MDGA2: variants seen among roughly 807,000 people sequenced by gnomAD.
MDGA2 encodes the protein MAM domain-containing glycosylphosphatidylinositol anchor protein 2.
MDGA2 carries 40 observed loss-of-function variants against 117.8 expected under a neutral mutation model. The observed-to-expected ratio is 0.34, with a 90% CI of 0.26 to 0.44. The LOEUF (loss-of-function observed/expected upper bound fraction) is 0.44. MDGA2 is among the 20% of genes least tolerant of loss of function. The pLI, the probability that MDGA2 is intolerant of heterozygous loss-of-function variation, is 1.00. For synonymous variants in MDGA2, 452 were observed against 439.0 expected (o/e 1.03, Z -0.37); for missense variants, 1,123 against 1,250.6 (o/e 0.90, Z 1.54).
In MDGA2 at chr14:47,595,173, G is replaced by T. The variant is rs570443606; in HGVS notation, c.280+79344C>A. On this transcript the variant is annotated intron_variant, in intron 1 of 16. Coordinates refer to ENST00000399232, the MANE Select transcript of MDGA2 (RefSeq NM_001113498.3). ...GGCCTGTTGTATTTGGACATGGCAA[G>T]TGACTAATGTAATAATTGGGGAGAG... Among the ~76,000 whole-genome samples the T allele has an allele frequency of 1.4e-3, 217 of 151,918 alleles. 1 individual carries two copies. The highest frequency in any genetic ancestry group is 2.2e-3 in the Non-Finnish European group (149 of 67,980).
At chr14:47,200,534 C>CTTTTTTTTTTTTTTTTTTT (rs10639284) in intron 3 of MDGA2, 4 of 421,910 alleles carry the variant, frequency 9.5e-6, no homozygotes, top group East Asian at 4.2e-5. Flanking sequence ...TTTTTCTTTT[C>CTTTTTTTTTTTTTTTTTTT]TTTTTTTTTT....
chr14:47,384,763 T>A (rs770893021), intron 1 of MDGA2, among the ~76,000 whole-genome samples: 1 of 152,034 alleles, frequency 6.6e-6, no homozygotes, highest in Non-Finnish European at 1.5e-5. Flanking sequence ...GAGAACAAAA[T>A]ATTGCAAAAA....
intron 5 of MDGA2, among the ~76,000 whole-genome samples, chr14:47,105,598 G>A (rs1169076602): frequency 6.6e-6 from 1 of 151,874 alleles, no homozygotes; most frequent in Non-Finnish European, 1.5e-5. Flanking sequence ...CCAGAAAATG[G>A]CACTTTGAAT....
chr14:47,078,541 A>G (rs12433343), intron 6 of MDGA2, among the ~76,000 whole-genome samples: 29,703 of 152,110 alleles, frequency 0.2, 2,970 homozygotes, highest in Admixed American at 0.29. Flanking sequence ...CAATTTAGAC[A>G]TTAGGACAGC....
chr14:47,259,872 G>C (rs1887738675), intron 2 of MDGA2, among the ~76,000 whole-genome samples: 1 of 152,022 alleles, frequency 6.6e-6, no homozygotes, highest in Non-Finnish European at 1.5e-5. Flanking sequence ...TGGGGGAAGG[G>C]AGAAGACTCA....
chr14:46,999,528 T>C (rs1401582507), intron 8 of MDGA2, among the ~76,000 whole-genome samples: 3 of 152,104 alleles, frequency 2.0e-5, no homozygotes, highest in Admixed American at 6.6e-5. Flanking sequence ...AATTTTCCCC[T>C]GATATTCCTC....
At chr14:46,848,356 G>C (rs1192728765) in intron 15 of MDGA2, among the ~76,000 whole-genome samples, 1 of 151,894 alleles carries the variant, frequency 6.6e-6, no homozygotes, top group Non-Finnish European at 1.5e-5. Context: ...GTAAGTTCTT[G>C]TTACTTCCAG....
intron 1 of MDGA2, among the ~76,000 whole-genome samples, chr14:47,412,187 A>C (rs1412639053): frequency 6.6e-6 from 1 of 152,210 alleles, no homozygotes; most frequent in Non-Finnish European, 1.5e-5. Flanking sequence ...TGTGAGGCAA[A>C]AAACAAACAA....
At chr14:47,252,354 T>C (rs1173714087) in intron 2 of MDGA2, among the ~76,000 whole-genome samples, 1 of 152,176 alleles carries the variant, frequency 6.6e-6, no homozygotes, top group Non-Finnish European at 1.5e-5. Context: ...TATTTAATTG[T>C]GACAGCATCT....
chr14:47,298,907 C>T (rs979776872), intron 2 of MDGA2, among the ~76,000 whole-genome samples: 2 of 151,784 alleles, frequency 1.3e-5, no homozygotes, highest in Non-Finnish European at 2.9e-5. Context: ...AGGATGGTCT[C>T]GATCTCCTGA....
At chr14:47,568,467 G>C (rs996379360) in intron 1 of MDGA2, among the ~76,000 whole-genome samples, 1 of 152,052 alleles carries the variant, frequency 6.6e-6, no homozygotes, top group Non-Finnish European at 1.5e-5. Flanking sequence ...AGATAAAAGA[G>C]CATTTTCTTC....
intron 1 of MDGA2, among the ~76,000 whole-genome samples, chr14:47,312,372 T>C (rs1040406276): frequency 1.3e-5 from 2 of 152,142 alleles, no homozygotes; most frequent in African/African-American, 2.4e-5. Flanking sequence ...CAAGCACTTT[T>C]ACCATTTTGG....
chr14:47,493,982 C>T (rs910954016), intron 1 of MDGA2, among the ~76,000 whole-genome samples: 24 of 152,204 alleles, frequency 1.6e-4, no homozygotes, highest in Admixed American at 9.2e-4. Context: ...GTGATTAGGT[C>T]ATAAGGTTGG....
intron 1 of MDGA2, among the ~76,000 whole-genome samples, chr14:47,533,527 T>A (rs753490782): frequency 2.0e-5 from 3 of 152,218 alleles, no homozygotes; most frequent in Non-Finnish European, 4.4e-5. Context: ...AAATAGGAGA[T>A]GATGTCTCTT....
At chr14:47,132,148 T>C (rs1594654438) in intron 4 of MDGA2, among the ~76,000 whole-genome samples, 1 of 152,060 alleles carries the variant, frequency 6.6e-6, no homozygotes, top group Middle Eastern at 3.4e-3. Context: ...AAAAGTCTAT[T>C]TCTGGTGGTA....
chr14:47,422,299 T>TG lies in MDGA2; in HGVS notation c.281-120750_281-120749insC, dbSNP rs528196758. 2.8e-3 allele frequency among the ~76,000 whole-genome samples: 422 copies of TG among 152,246 alleles called. 2 individuals are homozygous for TG. The highest frequency in any genetic ancestry group is 4.4e-3 in the Non-Finnish European group (299 of 68,012). ...CTTTTTTTCCTAGTAAGTCCTGGGC[T>TG]TTTCTTTAGGTTTTAATTAGCAAGG... On this transcript the variant is annotated intron_variant, in intron 1 of 16. Transcript: ENST00000399232.
chr14:47,626,922 C>T (rs555629511), intron 1 of MDGA2, among the ~76,000 whole-genome samples: 1 of 152,272 alleles, frequency 6.6e-6, no homozygotes, highest in South Asian at 2.1e-4. Flanking sequence ...GGCAGCTCCA[C>T]CTGCACCCCG....
chr14:46,879,464 T>C (rs1882361712), intron 11 of MDGA2, among the ~76,000 whole-genome samples: 1 of 152,132 alleles, frequency 6.6e-6, no homozygotes, highest in African/African-American at 2.4e-5. Flanking sequence ...CACATAAAAA[T>C]AATTTTAATA....
intron 1 of MDGA2, among the ~76,000 whole-genome samples, chr14:47,335,612 A>C (rs1293716449): frequency 6.6e-6 from 1 of 151,338 alleles, no homozygotes; most frequent in Non-Finnish European, 1.5e-5. Context: ...GTAGGAAGTC[A>C]TCTGATGATT....
Sources: allele counts gnomAD v4.1 joint callset (sites outside exome capture counted in the v4.1 genomes callset), GRCh38; gene constraint gnomAD v4.1.1; transcripts MANE v1.5; gene names NCBI Gene and HGNC (gene_info 2026-07-23, HGNC 2026-07-21).